SYNE2: variants seen among roughly 807,000 people sequenced by gnomAD.
The protein encoded by SYNE2 is nesprin-2.
SYNE2 carries 431 observed loss-of-function variants against 856.3 expected under a neutral mutation model. The observed-to-expected ratio is 0.50, with a 90% CI of 0.47 to 0.55. The LOEUF (loss-of-function observed/expected upper bound fraction) is 0.55, where lower values mean the gene tolerates loss of function less well. Ranked by LOEUF, SYNE2 falls within the 20% of genes least tolerant of loss-of-function variation. The probability of loss-of-function intolerance (pLI) is 0.00; values close to 1 mark genes in which losing one functional copy is unlikely to be tolerated. For missense variants in SYNE2, 8,129 were observed against 8,023.2 expected, an observed-to-expected ratio of 1.01 and a Z score of -0.50; for synonymous variants, 2,923 against 2,872.3, an observed-to-expected ratio of 1.02 and a Z score of -0.56.
At chr14:64,024,777 C>G in intron 39 of SYNE2, 135 bp from the exon 40 acceptor site, 1 of 976,852 alleles carries the variant, frequency 1.0e-6, no homozygotes, top group South Asian at 1.6e-5. Flanking sequence ...TTTTATATTA[C>G]AAATTAAATT....
intron 49 of SYNE2, among the ~76,000 whole-genome samples, chr14:64,058,725 C>G (rs1595204125): frequency 6.6e-6 from 1 of 152,178 alleles, no homozygotes; most frequent in African/African-American, 2.4e-5. Context: ...AAGTAATCCG[C>G]CCTCCTCTGC....
Position 64,146,056 on chromosome 14 carries a change from A to T in SYNE2, c.15484-12A>T. 1 of 1,528,344 alleles carries T rather than the reference A, an allele frequency of 6.5e-7. No individual in the cohort carries two copies. Among genetic ancestry groups the T allele is most frequent in the Non-Finnish European group, 8.9e-7 (1 of 1,124,734 alleles). The allele number at this position is 1,528,344 out of a possible 1,614,324, so 94.7% of individuals were successfully genotyped here. A position where few individuals can be genotyped will look rare whatever the true frequency, so the allele number is the denominator to read the frequency against. ...CATTTTAACATTTTTTGTAATCTTT[A>T]CATTCACTTAGATACAACATTTAGA... On this transcript the variant is annotated splice_polypyrimidine_tract_variant and intron_variant, in intron 83 of 115. Transcript: ENST00000555002.
intron 112 of SYNE2, among the ~76,000 whole-genome samples, chr14:64,222,132 C>T (rs915312548): frequency 1.3e-5 from 2 of 152,172 alleles, no homozygotes; most frequent in South Asian, 4.1e-4. Context: ...GTATTTGTCA[C>T]TAACACACCA....
chr14:64,075,556 A>G (rs1348519831), intron 53 of SYNE2: 1 of 241,986 alleles, frequency 4.1e-6, no homozygotes, highest in East Asian at 1.2e-4. Context: ...AGAAGTAGAA[A>G]TAGCAACACG....
chr14:63,949,761 A>G (rs1213110517), intron 6 of SYNE2, 64 bp from the exon 7 acceptor site: 1 of 1,570,180 alleles, frequency 6.4e-7, no homozygotes, highest in Non-Finnish European at 8.8e-7. Context: ...TTTGACTGGA[A>G]ATTTTGGCCC....
intron 57 of SYNE2, among the ~76,000 whole-genome samples, chr14:64,085,652 T>G (rs1467912955): frequency 6.6e-6 from 1 of 152,238 alleles, no homozygotes; most frequent in Non-Finnish European, 1.5e-5. Flanking sequence ...CAGTTCTAAT[T>G]GCTTCATGTT....
intron 1 of SYNE2, among the ~76,000 whole-genome samples, chr14:63,787,424 G>C (rs1467499957): frequency 6.6e-6 from 1 of 152,158 alleles, no homozygotes; most frequent in Non-Finnish European, 1.5e-5. Context: ...CCACATAGGA[G>C]TGAAAACATG....
At chr14:63,952,518 A>G (rs1158865607) in intron 7 of SYNE2, among the ~76,000 whole-genome samples, 1 of 152,218 alleles carries the variant, frequency 6.6e-6, no homozygotes, top group Non-Finnish European at 1.5e-5. Flanking sequence ...TACACACTCT[A>G]AAGTCAGAGT....
intron 11 of SYNE2, 80 bp from the exon 12 acceptor site, chr14:63,976,475 TTCAAAGAA>T: frequency 4.2e-6 from 6 of 1,418,590 alleles, no homozygotes; most frequent in Non-Finnish European, 5.9e-6. Flanking sequence ...CCAGAGAAAC[TTCAAAGAA>T]TCAAACATAC....
At chr14:63,955,338 G>T (rs931604150) in intron 8 of SYNE2, among the ~76,000 whole-genome samples, 1 of 152,026 alleles carries the variant, frequency 6.6e-6, no homozygotes, top group East Asian at 1.9e-4. Context: ...CTGCCTTCCC[G>T]TCTGTCCCTA....
intron 113 of SYNE2, among the ~76,000 whole-genome samples, 177 bp from the exon 114 acceptor site, chr14:64,224,284 G>A (rs2098708103): frequency 6.6e-6 from 1 of 152,014 alleles, no homozygotes; most frequent in South Asian, 2.1e-4. Context: ...TTGGGAGGTT[G>A]AGGCTGCAGT....
chr14:64,141,720 T>G (rs773431672), intron 81 of SYNE2, among the ~76,000 whole-genome samples, 197 bp downstream of exon 81: 11 of 152,238 alleles, frequency 7.2e-5, no homozygotes, highest in South Asian at 2.1e-4. Context: ...AATTACTTTA[T>G]TTCTCAGTTT....
intron 1 of SYNE2, among the ~76,000 whole-genome samples, chr14:63,816,021 T>C (rs1206564798): frequency 6.6e-6 from 1 of 150,652 alleles, no homozygotes; most frequent in Non-Finnish European, 1.5e-5. Context: ...CAATTTTGGC[T>C]CACTGCAACC....
chr14:63,909,635 A>G (rs901029614), intron 2 of SYNE2, among the ~76,000 whole-genome samples: 2 of 152,174 alleles, frequency 1.3e-5, no homozygotes, highest in Admixed American at 6.5e-5. Flanking sequence ...CAAGGTCAGG[A>G]GTTCGAGACC....
intron 1 of SYNE2, among the ~76,000 whole-genome samples, chr14:63,777,194 G>A (rs1887141952): frequency 6.6e-6 from 1 of 152,192 alleles, no homozygotes; most frequent in Admixed American, 6.6e-5. Context: ...ATGACTCACA[G>A]CTGAAAGAAT....
intron 100 of SYNE2, among the ~76,000 whole-genome samples, chr14:64,203,442 C>T (rs1260086056): frequency 2.6e-5 from 4 of 152,152 alleles, no homozygotes; most frequent in Admixed American, 2.6e-4. Context: ...TTAAGAGCTG[C>T]AATGCTCTGT....
chr14:64,169,721 G>C (rs1359267903), intron 93 of SYNE2, among the ~76,000 whole-genome samples: 1 of 152,132 alleles, frequency 6.6e-6, no homozygotes, highest in African/African-American at 2.4e-5. Context: ...TATTTGATCT[G>C]TACAGAAAAA....
At chr14:64,124,200 C>T (rs151173027) in intron 70 of SYNE2, among the ~76,000 whole-genome samples, 5 of 151,818 alleles carry the variant, frequency 3.3e-5, no homozygotes, top group East Asian at 2.0e-4. Flanking sequence ...AGCGAGACTC[C>T]GTCTCAAAAA....
chr14:64,081,567 C>T lies in SYNE2; in HGVS notation c.11471C>T (p.Ala3824Val). 1 of 1,614,088 alleles carries T rather than the reference C, an allele frequency of 6.2e-7. No individual in the cohort carries two copies. Among genetic ancestry groups the T allele is most frequent in the Non-Finnish European group, 8.5e-7 (1 of 1,180,002 alleles). Residue 3824 changes from alanine to valine, a missense_variant, in exon 57 of 116, where the codon GCT (alanine) becomes GTT (valine). Transcript: ENST00000555002. Reference sequence around the variant, plus strand: ...TCTTTGAGGACACTGAGTCACCATGCTAGCACTGTGCAGGTAAGTGTTCTT... The same window carrying T: ...TCTTTGAGGACACTGAGTCACCATGTTAGCACTGTGCAGGTAAGTGTTCTT... ...YDSLRTLSHH[A>V]STVQMALEDS...
Sources: allele counts gnomAD v4.1 joint callset (sites outside exome capture counted in the v4.1 genomes callset), GRCh38; gene constraint gnomAD v4.1.1; transcripts MANE v1.5; gene names NCBI Gene and HGNC (gene_info 2026-07-23, HGNC 2026-07-21).